TMBIM1: variants seen among roughly 807,000 people sequenced by gnomAD.
TMBIM1 encodes the protein transmembrane BAX inhibitor motif containing 1.
TMBIM1 carries 34 observed loss-of-function variants against 45.1 expected under a neutral mutation model. That is an observed-to-expected ratio of 0.75 (90% CI 0.57 to 1.00). The LOEUF (loss-of-function observed/expected upper bound fraction) is 1.00. Among genes scored for constraint, TMBIM1 ranks in the 50% least tolerant of loss-of-function variants. The pLI is 0.00. For missense variants in TMBIM1, 374 were observed against 402.4 expected (o/e 0.93, Z 0.60); for synonymous variants, 157 against 153.5 (o/e 1.02, Z -0.17).
Position 218,275,475 on chromosome 2 carries a change from T to G in TMBIM1, c.936A>C (p.Ter312TyrextTer35). The change falls in exon 12 of 12, where the codon TAA becomes TAC. Residue 312 changes from the stop codon to tyrosine (Y), a stop_lost. Transcript: ENST00000258412. ...FVLQLMGDRN[*>Y] ...TCGGGTGAAAATGGGGGCTTGCTCC[T>G]TAATTGCGATCCCCCATCAGCTGCA... The G allele has an allele frequency of 4.3e-6, 7 of 1,612,524 alleles. No individual in the cohort carries two copies. Among genetic ancestry groups the G allele is most frequent in the Non-Finnish European group, 5.9e-6 (7 of 1,179,012 alleles).
In TMBIM1 at chr2:218,274,499, A is replaced by G. The variant is rs1691015946; in HGVS notation, c.*976T>C. Reference sequence around the variant, plus strand: ...GGACCCTCCCTGGGTTAGCAGAAGGAAAGAACCCAGAAGTCTTCAGTACCA... The same window carrying G: ...GGACCCTCCCTGGGTTAGCAGAAGGGAAGAACCCAGAAGTCTTCAGTACCA... On this transcript the variant is annotated 3_prime_UTR_variant, in exon 12 of 12. Transcript: ENST00000258412. The G allele has an allele frequency of 6.5e-6, 1 of 154,194 alleles. No homozygotes were observed. Among genetic ancestry groups the G allele is most frequent in the Non-Finnish European group, 1.5e-5 (1 of 68,230 alleles). The allele number at this position is 154,194 out of a possible 1,614,324, so 9.6% of individuals were successfully genotyped here.
intron 2 of TMBIM1, among the ~76,000 whole-genome samples, chr2:218,281,344 C>T (rs150992373): frequency 8.1e-4 from 123 of 152,106 alleles, no homozygotes; most frequent in Admixed American, 1.5e-3. Flanking sequence ...GCCATGTTGG[C>T]CAGGCTGGTC....
chr2:218,276,094 G>T lies in TMBIM1; in HGVS notation c.736-15C>A, dbSNP rs750328598. ...AGCCAGTAAACCTGGAGAAGAAGGG[G>T]ACAGAGAATGGCATTAGAAACCTCA... On this transcript the variant is annotated splice_polypyrimidine_tract_variant and intron_variant, in intron 10 of 11. Coordinates refer to ENST00000258412, the MANE Select transcript of TMBIM1 (RefSeq NM_022152.6). The T allele has an allele frequency of 1.9e-6, 3 of 1,611,882 alleles. No individual in the cohort carries two copies. The highest frequency in any genetic ancestry group is 2.5e-6 in the Non-Finnish European group (3 of 1,179,156).
intron 1 of TMBIM1, among the ~76,000 whole-genome samples, chr2:218,284,458 T>G (rs1574653041): frequency 6.6e-6 from 1 of 152,144 alleles, no homozygotes; most frequent in Admixed American, 6.5e-5. Flanking sequence ...AGCCACCGGG[T>G]GAAAGGTGCC....
In TMBIM1 at chr2:218,282,104, C is replaced by A. The variant is rs767796792; in HGVS notation, c.38G>T (p.Arg13Leu). The A allele has an allele frequency of 6.4e-7, 1 of 1,555,380 alleles. No individual in the cohort carries two copies. The highest frequency in any genetic ancestry group is 8.7e-7 in the Non-Finnish European group (1 of 1,151,972). Residue 13 changes from arginine (R) to leucine (L), a missense_variant, in exon 2 of 12, where the codon CGC becomes CTC. Transcript: ENST00000258412. ...CGGAGGGCCTGGGTACAGGGGGTTG[C>A]GGTCTTCATATGGTGGTGGGGCGCT... ...NPSAPPPYED[R>L]NPLYPGPPPP... is the part of the protein sequence containing the mutation.
At chr2:218,285,772 G>A (rs528020169) in intron 1 of TMBIM1, 1 of 152,890 alleles carries the variant, frequency 6.5e-6, no homozygotes, top group Admixed American at 6.5e-5. Flanking sequence ...CCTCTGAGCA[G>A]TGCCAAGAAC....
intron 1 of TMBIM1, among the ~76,000 whole-genome samples, chr2:218,291,189 T>C (rs1447819964): frequency 6.6e-6 from 1 of 152,172 alleles, no homozygotes; most frequent in Non-Finnish European, 1.5e-5. Context: ...TCTGAAGGGC[T>C]CATTTTTACA....
At chr2:218,280,005 A>C in intron 3 of TMBIM1, 21 bp downstream of exon 3, 11 of 1,607,272 alleles carry the variant, frequency 6.8e-6, no homozygotes, top group Non-Finnish European at 8.5e-6. Context: ...AGGTACACCC[A>C]CCTCCCAGCG....
At chr2:218,278,955 C>T in intron 5 of TMBIM1, 83 bp downstream of exon 5, 1 of 1,541,520 alleles carries the variant, frequency 6.5e-7, no homozygotes, top group Non-Finnish European at 8.9e-7. Flanking sequence ...CATTTTGATC[C>T]TGCCCTGAGC....
intron 1 of TMBIM1, among the ~76,000 whole-genome samples, chr2:218,285,427 A>C (rs1692426078): frequency 6.6e-6 from 1 of 151,928 alleles, no homozygotes. Flanking sequence ...CATGGGTTTT[A>C]GCCTCAACAG....
chr2:218,276,180 G>A (rs1574625007), intron 10 of TMBIM1, 101 bp from the exon 11 acceptor site: 2 of 1,292,676 alleles, frequency 1.5e-6, no homozygotes, highest in Non-Finnish European at 2.2e-6. Flanking sequence ...AGTGGGTAGA[G>A]CTGGGAAGCT....
intron 10 of TMBIM1, among the ~76,000 whole-genome samples, chr2:218,276,783 G>T (rs1691258188): frequency 6.6e-6 from 1 of 152,068 alleles, no homozygotes; most frequent in Non-Finnish European, 1.5e-5. Context: ...TGCAGTCCAG[G>T]GCTTCAGGTG....
intron 1 of TMBIM1, among the ~76,000 whole-genome samples, chr2:218,291,727 T>C (rs1011820439): frequency 2.6e-5 from 4 of 152,168 alleles, no homozygotes; most frequent in Admixed American, 2.6e-4. Flanking sequence ...CTCCACTTGC[T>C]TTCCCTTTTC....
chr2:218,290,596 G>T (rs968727972), intron 1 of TMBIM1, among the ~76,000 whole-genome samples: 1 of 152,180 alleles, frequency 6.6e-6, no homozygotes, highest in African/African-American at 2.4e-5. Flanking sequence ...AGGGCCGGGG[G>T]ACATATCCAG....
intron 1 of TMBIM1, among the ~76,000 whole-genome samples, chr2:218,290,676 A>G (rs1355691661): frequency 6.6e-6 from 1 of 152,260 alleles, no homozygotes; most frequent in Non-Finnish European, 1.5e-5. Context: ...ACAAATCATT[A>G]CAGACAAAAG....
Position 218,277,973 on chromosome 2 carries a change from G to A in TMBIM1, c.475C>T (p.Arg159Cys), listed in dbSNP as rs142636664. The change falls in exon 7 of 12, where the codon CGC becomes TGC. Residue 159 changes from arginine to cysteine, a missense_variant and splice_region_variant. Transcript: ENST00000258412. ...AGAATGATGTTCCATGGGAAACGGC[G>A]TCTGAAGGGAAAGAGAAGCCTTGAT... ...LILACCQGPR[R>C]RFPWNIILLT... 63 of 1,614,040 alleles carry A rather than the reference G, an allele frequency of 3.9e-5. No individual in the cohort carries two copies. The highest frequency in any genetic ancestry group is 1.3e-4 in the African/African-American group (10 of 74,916).
intron 8 of TMBIM1, 41 bp from the exon 9 acceptor site, chr2:218,277,494 A>G (rs778206398): frequency 1.2e-6 from 2 of 1,610,566 alleles, no homozygotes; most frequent in South Asian, 1.1e-5. Flanking sequence ...GCATTAAGCC[A>G]CGTATGAATG....
intron 5 of TMBIM1, 93 bp downstream of exon 5, chr2:218,278,945 C>G: frequency 2.0e-6 from 3 of 1,486,920 alleles, no homozygotes; most frequent in Non-Finnish European, 2.8e-6. Context: ...TCTCAAAAAG[C>G]ATTTTGATCC....
chr2:218,281,368 CTCAGGTG>C (rs2106210744), intron 2 of TMBIM1, among the ~76,000 whole-genome samples: 1 of 152,078 alleles, frequency 6.6e-6, no homozygotes, highest in South Asian at 2.1e-4. Flanking sequence ...AATTCCTGAC[CTCAGGTG>C]ATCTGCTCGC....
Sources: allele counts gnomAD v4.1 joint callset (sites outside exome capture counted in the v4.1 genomes callset), GRCh38; gene constraint gnomAD v4.1.1; transcripts MANE v1.5; gene names NCBI Gene and HGNC (gene_info 2026-07-23, HGNC 2026-07-21).